Variants in VPS13C observed in about 807,000 individuals in gnomAD.
VPS13C encodes intermembrane lipid transfer protein VPS13C.
Under a neutral mutation model 456.8 loss-of-function variants are expected in VPS13C, and 358 were observed. That is an observed-to-expected ratio of 0.78 (90% CI 0.72 to 0.86). VPS13C has a LOEUF of 0.86. Among genes scored for constraint, VPS13C ranks in the 40% least tolerant of loss-of-function variants. The probability of loss-of-function intolerance (pLI) is 0.00; values close to 1 mark genes in which losing one functional copy is unlikely to be tolerated. For synonymous variants in VPS13C, 1,578 were observed against 1,486.7 expected, an observed-to-expected ratio of 1.06 and a Z score of -1.41; for missense variants, 4,818 against 4,385.4, an observed-to-expected ratio of 1.10 and a Z score of -2.79.
rs977013323 is a variant in VPS13C, at chr15:61,993,049, G to A, written c.1354-1247C>T. 3.3e-5 allele frequency among the ~76,000 whole-genome samples: 5 copies of A among 152,050 alleles called. No individual in the cohort carries two copies. In the East Asian group the frequency reaches 7.7e-4, roughly 23 times the overall value. On this transcript the variant is annotated intron_variant, in intron 16 of 84. Coordinates refer to ENST00000644861, the MANE Select transcript of VPS13C (RefSeq NM_020821.3). ...TTTTGGAAATGACACCCAATTAAATGTATATCATCTGAGTTTTTCCACTTT... is the reference window on the plus strand; with the variant it reads ...TTTTGGAAATGACACCCAATTAAATATATATCATCTGAGTTTTTCCACTTT...
At chr15:61,919,971 A>G in intron 57 of VPS13C, 96 bp downstream of exon 57, 1 of 1,232,776 alleles carries the variant, frequency 8.1e-7, no homozygotes, top group East Asian at 2.4e-5. Context: ...TTGTATCTCC[A>G]GATATCTGCA....
chr15:62,037,289 TATATTATATAA>T (rs2048062399), intron 3 of VPS13C, among the ~76,000 whole-genome samples: 1 of 71,050 alleles, frequency 1.4e-5, no homozygotes, highest in Non-Finnish European at 2.3e-5. Flanking sequence ...TTATATATAT[TATATTATATAA>T]TATATATATA....
intron 74 of VPS13C, 90 bp from the exon 75 acceptor site, chr15:61,877,144 A>G: frequency 1.1e-6 from 1 of 907,148 alleles, no homozygotes; most frequent in Non-Finnish European, 1.6e-6. Flanking sequence ...AATGCTAATC[A>G]TAGCCAATTC....
chr15:61,919,784 C>G (rs2043589268), intron 57 of VPS13C, among the ~76,000 whole-genome samples: 1 of 148,438 alleles, frequency 6.7e-6, no homozygotes, highest in Admixed American at 6.7e-5. Flanking sequence ...TCAGTAAACT[C>G]CTATCCTTTT....
intron 62 of VPS13C, 135 bp downstream of exon 62, chr15:61,913,176 A>T: frequency 1.5e-6 from 1 of 684,924 alleles, no homozygotes; most frequent in Non-Finnish European, 2.5e-6. Context: ...CCATCCCATT[A>T]CTGGGTATAT....
At position 61,878,757 on chromosome 15, in the gene VPS13C, A is replaced by C; in HGVS notation, c.10003-11T>G. On this transcript the variant is annotated splice_polypyrimidine_tract_variant and intron_variant, in intron 73 of 84. Coordinates refer to ENST00000644861, the MANE Select transcript of VPS13C (RefSeq NM_020821.3). ...CAAACTCAAATGCAACTAAAAGAAA[A>C]ATAATGTTCAATAAATGAAAGCTAA... is the stretch of plus-strand genomic sequence containing the variant. The C allele has an allele frequency of 6.3e-7, 1 of 1,596,442 alleles. No individual in the cohort carries two copies. Among genetic ancestry groups the C allele is most frequent in the Non-Finnish European group, 8.5e-7 (1 of 1,172,404 alleles).
At chr15:62,037,445 A>AATAT (rs1567137451) in intron 3 of VPS13C, among the ~76,000 whole-genome samples, 5 of 126,998 alleles carry the variant, frequency 3.9e-5, no homozygotes, top group African/African-American at 1.5e-4. Flanking sequence ...ATATATATTA[A>AATAT]ATAAATATAT....
intron 46 of VPS13C, 41 bp from the exon 47 acceptor site, chr15:61,940,835 C>T (rs1455047038): frequency 6.3e-7 from 1 of 1,576,562 alleles, no homozygotes; most frequent in Non-Finnish European, 8.6e-7. Context: ...TTCAAATTTA[C>T]ATTTTAAAAT....
rs376065234 is a variant in VPS13C, at chr15:61,917,424, A to G, written c.7972T>C (p.Trp2658Arg). 7 of 1,614,018 alleles carry G rather than the reference A, an allele frequency of 4.3e-6. No homozygotes were observed. Among genetic ancestry groups the G allele is most frequent in the Non-Finnish European group, 5.9e-6 (7 of 1,179,898 alleles). ...LSYICTHGED[W>R]DVAYIIHLYP... ...AGATGAATAATGTAAGCTACATCCCAGTCTTCCCCATGTGTACATATGTAG... is the reference window on the plus strand; with the variant it reads ...AGATGAATAATGTAAGCTACATCCCGGTCTTCCCCATGTGTACATATGTAG... The change falls in exon 60 of 85, where the codon TGG becomes CGG. Residue 2658 changes from tryptophan to arginine, a missense_variant. Transcript: ENST00000644861.
In VPS13C at chr15:62,013,116, TA is replaced by T; in HGVS notation, c.747del (p.Ile250TyrfsTer12). ...TAGGCGCTAAGACTATCAAGTCGTATAAGCTATAAGAGAAAAATGAAAGAGA... is the reference window on the plus strand; with the variant it reads ...TAGGCGCTAAGACTATCAAGTCGTATAGCTATAAGAGAAAAATGAAAGAGA... ...LNEADKIIYKLIRLDSLSAYW... is the reference protein window; with the variant it reads ...LNEADKIIYKXIRLDSLSAYW... On this transcript the variant is annotated frameshift_variant and splice_region_variant, in exon 11 of 85. Coordinates refer to ENST00000644861, the MANE Select transcript of VPS13C (RefSeq NM_020821.3). LOFTEE classifies it high-confidence loss of function. The T allele has an allele frequency of 6.3e-7, 1 of 1,598,962 alleles. No individual in the cohort carries two copies. The highest frequency in any genetic ancestry group is 1.1e-5 in the South Asian group (1 of 87,752).
chr15:61,865,054 C>T, intron 81 of VPS13C: 5 of 984,772 alleles, frequency 5.1e-6, no homozygotes, highest in Non-Finnish European at 6.0e-6. Flanking sequence ...TTCAGCACTA[C>T]TAAAAACCCA....
rs764190593 is a variant in VPS13C, at chr15:61,931,100, C to T, written c.6028G>A (p.Ala2010Thr). Residue 2010 changes from alanine (A) to threonine (T), a missense_variant, in exon 50 of 85, where the codon GCA becomes ACA. Transcript: ENST00000644861. ...LDDLREGIERATSRMIDRKND... is the reference protein window; with the variant it reads ...LDDLREGIERTTSRMIDRKND... ...TCAGAGCTGACAAACCTCGATGTTG[C>T]TCTCTCAATTCCTTCTCTGAGATCA... 1 of 1,613,986 alleles carries T rather than the reference C, an allele frequency of 6.2e-7. No homozygotes were observed. Among genetic ancestry groups the T allele is most frequent in the Non-Finnish European group, 8.5e-7 (1 of 1,179,984 alleles).
At chr15:62,007,885 T>C (rs947705757) in intron 14 of VPS13C, among the ~76,000 whole-genome samples, 2 of 152,182 alleles carry the variant, frequency 1.3e-5, no homozygotes, top group East Asian at 3.9e-4. Flanking sequence ...GGCGGGCAGA[T>C]CACGAGGTCA....
intron 67 of VPS13C, among the ~76,000 whole-genome samples, chr15:61,888,655 C>G (rs987183723): frequency 6.6e-6 from 1 of 151,958 alleles, no homozygotes; most frequent in African/African-American, 2.4e-5. Context: ...AAAAGAAAAA[C>G]TTTGGAGACA....
intron 10 of VPS13C, 101 bp from the exon 11 acceptor site, chr15:62,013,220 A>C: frequency 2.8e-6 from 2 of 707,516 alleles, no homozygotes; most frequent in Non-Finnish European, 4.3e-6. Flanking sequence ...AATTACCCAA[A>C]TGCCATTTTG....
Position 62,010,561 on chromosome 15 carries a change from T to G in VPS13C, c.922A>C (p.Asn308His). 1 of 1,613,116 alleles carries G rather than the reference T, an allele frequency of 6.2e-7. No homozygotes were observed. Residue 308 changes from asparagine (N) to histidine (H), a missense_variant, in exon 13 of 85, where the codon AAT becomes CAT. Transcript: ENST00000644861. ...TTGAGCTCTGATTCTGCATAAGGAT[T>G]CATGTAGAGTTTTGCAGAGGCTGAT... ...PISASAKLYMNPYAESELKTP... is the reference protein window; with the variant it reads ...PISASAKLYMHPYAESELKTP...
At chr15:61,937,450 T>C (rs2044265016) in intron 47 of VPS13C, among the ~76,000 whole-genome samples, 1 of 152,120 alleles carries the variant, frequency 6.6e-6, no homozygotes, top group Admixed American at 6.5e-5. Flanking sequence ...CAAAGTTTCT[T>C]AACGTCCTTA....
At chr15:62,000,739 G>T (rs1596456733) in intron 15 of VPS13C, 113 bp from the exon 16 acceptor site, 1 of 725,400 alleles carries the variant, frequency 1.4e-6, no homozygotes. Flanking sequence ...GTGACCTAAT[G>T]AAAGTATTAG....
Position 61,981,544 on chromosome 15 carries a change from A to G in VPS13C, c.2030-66T>C. ...TGAAATATGTAATCATATTATTAACAACTAGAATAAGAGTTTTACTTGAAA... is the reference window on the plus strand; with the variant it reads ...TGAAATATGTAATCATATTATTAACGACTAGAATAAGAGTTTTACTTGAAA... On this transcript the variant is annotated intron_variant, in intron 21 of 84. Coordinates refer to ENST00000644861, the MANE Select transcript of VPS13C (RefSeq NM_020821.3). The G allele has an allele frequency of 2.1e-6, 3 of 1,458,386 alleles. No homozygotes were observed. The South Asian group carries it at 4.2e-5, about 20-fold the overall frequency. 90.3% of individuals were successfully genotyped at this position (1,458,386 alleles called of 1,614,324 possible).
Sources: allele counts gnomAD v4.1 joint callset (sites outside exome capture counted in the v4.1 genomes callset), GRCh38; gene constraint gnomAD v4.1.1; transcripts MANE v1.5; gene names NCBI Gene and HGNC (gene_info 2026-07-23, HGNC 2026-07-21).